Variants in XRCC3 observed in about 807,000 individuals in gnomAD.
XRCC3 encodes DNA repair protein XRCC3.
Under a neutral mutation model 29.2 loss-of-function variants are expected in XRCC3, and 34 were observed. That is an observed-to-expected ratio of 1.16 (90% CI 0.88 to 1.55). XRCC3 has a LOEUF of 1.55. Ranked by LOEUF, XRCC3 falls within the 40% of genes most tolerant of loss-of-function variation. XRCC3 has a pLI of 0.00. For missense variants in XRCC3, 463 were observed against 467.6 expected (o/e 0.99, Z 0.09); for synonymous variants, 223 against 211.3 (o/e 1.06, Z -0.48).
intron 4 of XRCC3, 79 bp from the exon 5 acceptor site, chr14:103,708,738 TTAAGAGCACTG>T: frequency 3.2e-6 from 5 of 1,584,158 alleles, no homozygotes; most frequent in Non-Finnish European, 4.3e-6. Flanking sequence ...AGGTGCTTTG[TTAAGAGCACTG>T]TGAGAGCACC....
intron 6 of XRCC3, chr14:103,706,688 G>T: frequency 4.5e-6 from 2 of 441,880 alleles, no homozygotes; most frequent in East Asian, 9.3e-5. Context: ...TGGACTCTGG[G>T]CTTGGCAGCT....
Position 103,698,641 on chromosome 14 carries a change from C to T in XRCC3, c.*157G>A. 1.4e-6 allele frequency: 1 copy of T among 714,052 alleles called. No homozygotes were observed. The highest frequency in any genetic ancestry group is 2.4e-6 in the Non-Finnish European group (1 of 416,156). 44.2% of individuals were successfully genotyped at this position (714,052 alleles called of 1,614,324 possible). A position where few individuals can be genotyped will look rare whatever the true frequency, so the allele number is the denominator to read the frequency against. ...GCTCAGATGGGGGTCAGTCTGTGGC[C>T]ACCATCTTCGGATGAGAAAGTGGAG... On this transcript the variant is annotated 3_prime_UTR_variant, in exon 10 of 10. Transcript: ENST00000555055.
chr14:103,699,210 C>T (rs376400797), intron 8 of XRCC3, 31 bp from the exon 9 acceptor site: 31 of 1,549,526 alleles, frequency 2.0e-5, no homozygotes, highest in African/African-American at 9.5e-5. Context: ...TCAGCTGCAA[C>T]GGCTGAGGGT....
intron 6 of XRCC3, chr14:103,703,704 G>T (rs1306838749): frequency 9.4e-6 from 3 of 319,000 alleles, no homozygotes; most frequent in African/African-American, 2.1e-5. Context: ...CAGCATCAGG[G>T]CAACGCCTTC....
chr14:103,704,008 T>C (rs1449939945), intron 6 of XRCC3: 1 of 155,614 alleles, frequency 6.4e-6, no homozygotes, highest in Non-Finnish European at 1.4e-5. Context: ...AGAAAGAACG[T>C]CCACCGTAGC....
chr14:103,706,902 A>G, intron 6 of XRCC3, 101 bp downstream of exon 6: 3 of 1,285,820 alleles, frequency 2.3e-6, no homozygotes, highest in East Asian at 5.0e-5. Context: ...TGGTAGGAAC[A>G]GCGCAAGAGG....
In XRCC3 at chr14:103,711,112, A is replaced by T. The variant is rs56018633; in HGVS notation, c.-25T>A. 979 of 1,613,680 alleles carry T rather than the reference A, an allele frequency of 6.1e-4. 18 individuals carry two copies. The East Asian group carries it at 0.021, about 35-fold the overall frequency. On this transcript the variant is annotated 5_prime_UTR_variant, in exon 4 of 10. Coordinates refer to ENST00000555055, the MANE Select transcript of XRCC3 (RefSeq NM_005432.4). ...TTTTGTCGGTGGGCTGGCCACCAGG[A>T]TGAATAACTTCCCAGGAAAGACAGA...
Position 103,707,009 on chromosome 14 carries a change from C to G in XRCC3, c.400G>C (p.Glu134Gln). 6.4e-7 allele frequency: 1 copy of G among 1,555,878 alleles called. No individual in the cohort carries two copies. Residue 134 changes from glutamate to glutamine, a missense_variant, in exon 6 of 10, where the codon GAG becomes CAG. Glu to Gln is a conservative substitution (Grantham distance 29, BLOSUM62 2). Coordinates refer to ENST00000555055, the MANE Select transcript of XRCC3 (RefSeq NM_005432.4). ...VQFPRQHGGL[E>Q]AGAVYICTED... ...GGAAGGGGTGGCCACTCACCAGCCT[C>G]CAGGCCTCCGTGCTGCCGCGGGAAC...
Position 103,699,402 on chromosome 14 carries a change from T to C in XRCC3, c.736A>G (p.Ser246Gly), listed in dbSNP as rs1876344813. ...QSLGATLREL[S>G]SAFQSPVLCI... ...AGCACAGGGCTCTGGAAGGCACTGC[T>C]CAGCTCACGCAGCGTGGCCCCCAGG... Residue 246 changes from serine to glycine, a missense_variant, in exon 8 of 10, where the codon AGC becomes GGC. Physicochemically the swap from Ser to Gly is moderately conservative, Grantham distance 56. Coordinates refer to ENST00000555055, the MANE Select transcript of XRCC3 (RefSeq NM_005432.4). 1 of 1,612,068 alleles carries C rather than the reference T, an allele frequency of 6.2e-7. No individual in the cohort carries two copies. The highest frequency in any genetic ancestry group is 8.5e-7 in the Non-Finnish European group (1 of 1,179,646).
intron 2 of XRCC3, 41 bp downstream of exon 2, chr14:103,712,834 C>G (rs1312877792): frequency 6.6e-6 from 1 of 152,378 alleles, no homozygotes; most frequent in African/African-American, 2.4e-5. Context: ...GAGGCCAAGG[C>G]ACCTGGAAGC....
intron 5 of XRCC3, 28 bp downstream of exon 5, chr14:103,708,494 C>G: frequency 6.2e-7 from 1 of 1,612,944 alleles, no homozygotes; most frequent in Non-Finnish European, 8.5e-7. Context: ...ACATGTCACC[C>G]CTGGCAGAGA....
Position 103,699,378 on chromosome 14 carries a change from G to A in XRCC3, c.760C>T (p.Leu254=), listed in dbSNP as rs1323349630. Residue 254 remains leucine, a synonymous_variant, in exon 8 of 10, where the codon CTG becomes TTG. Coordinates refer to ENST00000555055, the MANE Select transcript of XRCC3 (RefSeq NM_005432.4). ...ELSSAFQSPV[L]CINQVTEAME... is the part of the protein sequence containing the mutation. ...TTGGTGCTCACCTGGTTGATGCACA[G>A]CACAGGGCTCTGGAAGGCACTGCTC... The A allele has an allele frequency of 6.2e-7, 1 of 1,608,468 alleles. No individual in the cohort carries two copies.
chr14:103,706,577 C>G, intron 6 of XRCC3: 1 of 379,630 alleles, frequency 2.6e-6, no homozygotes, highest in South Asian at 2.0e-5. Context: ...GTTTCACAGA[C>G]AGAGCGTACA....
intron 4 of XRCC3, chr14:103,708,892 G>T: frequency 3.7e-6 from 2 of 544,224 alleles, no homozygotes; most frequent in East Asian, 7.2e-5. Flanking sequence ...CCTGGCACTC[G>T]GACAGATACC....
In XRCC3 at chr14:103,703,229, G is replaced by A. The variant is rs759771337; in HGVS notation, c.505C>T (p.Leu169=). 1 of 1,567,110 alleles carries A rather than the reference G, an allele frequency of 6.4e-7. No individual in the cohort carries two copies. The highest frequency in any genetic ancestry group is 8.6e-7 in the Non-Finnish European group (1 of 1,156,310). ...PRLRTDVPGE[L]LQKLRFGSQI... Reference sequence around the variant, plus strand: ...CTGCCAAATCGGAGCTTCTGAAGCAGCTCTCCTGGAACGTCAGTGCGCAGC... The same window carrying A: ...CTGCCAAATCGGAGCTTCTGAAGCAACTCTCCTGGAACGTCAGTGCGCAGC... The change falls in exon 7 of 10, where the codon CTG becomes TTG. Residue 169 remains leucine, a synonymous_variant. Coordinates refer to ENST00000555055, the MANE Select transcript of XRCC3 (RefSeq NM_005432.4).
At chr14:103,701,407 G>T (rs901616135) in intron 7 of XRCC3, 7 of 510,468 alleles carry the variant, frequency 1.4e-5, no homozygotes, top group African/African-American at 1.2e-4. Context: ...CTGGTGCCCT[G>T]GTGCGGCGTG....
intron 7 of XRCC3, chr14:103,699,921 T>C (rs2082994349): frequency 5.4e-6 from 2 of 371,990 alleles, no homozygotes; most frequent in South Asian, 2.3e-5. Flanking sequence ...CCTTCTGCCA[T>C]GGTTTCACCC....
chr14:103,710,972 C>T, intron 4 of XRCC3, 61 bp downstream of exon 4: 2 of 1,576,836 alleles, frequency 1.3e-6, no homozygotes, highest in South Asian at 1.1e-5. Flanking sequence ...TTTTGTTAAC[C>T]TGCCTTATAT....
chr14:103,701,210 C>T (rs1186758465), intron 7 of XRCC3: 4 of 1,550,564 alleles, frequency 2.6e-6, no homozygotes, highest in Non-Finnish European at 1.7e-6. Flanking sequence ...GTGACCCCGA[C>T]CTGGCCCCGC....
Sources: allele counts gnomAD v4.1 joint callset, GRCh38; gene constraint gnomAD v4.1.1; transcripts MANE v1.5; gene names NCBI Gene and HGNC (gene_info 2026-07-23, HGNC 2026-07-21).